Variants in PGM3 observed in about 807,000 individuals in gnomAD.
The protein encoded by PGM3 is phosphoacetylglucosamine mutase.
In PGM3, 40 loss-of-function variants were observed where a neutral mutation model predicts 66.2. That is an observed-to-expected ratio of 0.60 (90% confidence interval 0.47 to 0.79). The LOEUF is 0.79. Among genes scored for constraint, PGM3 ranks in the 30% least tolerant of loss-of-function variants. The pLI is 0.00. For missense variants in PGM3, 537 were observed against 643.4 expected, an observed-to-expected ratio of 0.83 and a Z score of 1.79; for synonymous variants, 191 against 224.2, an observed-to-expected ratio of 0.85 and a Z score of 1.32.
At chr6:83,193,854 G>C (rs1289922573), upstream of PGM3, 1 of 153,524 alleles carries the variant, frequency 6.5e-6, no homozygotes, top group Non-Finnish European at 1.4e-5. Flanking sequence ...GCAGAGGCCA[G>C]TGAATCGTAA....
At chr6:83,153,034 AT>A in the PGM3 span, among the ~76,000 whole-genome samples, 1 of 152,162 alleles carries the variant, frequency 6.6e-6, no homozygotes, top group Non-Finnish European at 1.5e-5. Flanking sequence ...TACACATGTC[AT>A]TTTGTTTCCT....
downstream of PGM3, chr6:83,164,510 G>C (rs1003515342): frequency 1.2e-5 from 9 of 727,592 alleles, no homozygotes; most frequent in African/African-American, 1.6e-4. Flanking sequence ...AAATATGACA[G>C]TCTTTTGCCC....
intron 3 of PGM3, among the ~76,000 whole-genome samples, chr6:83,187,951 C>A (rs1788707047): frequency 6.6e-6 from 1 of 152,156 alleles, no homozygotes; most frequent in Non-Finnish European, 1.5e-5. Context: ...CTGCTACCAT[C>A]GTCGGTATCT....
chr6:83,152,698 A>C, the PGM3 span, among the ~76,000 whole-genome samples: 3 of 149,552 alleles, frequency 2.0e-5, no homozygotes, highest in African/African-American at 4.9e-5. Context: ...GCTCACTGCA[A>C]CCTCTGCCTC....
At chr6:83,180,601 A>G (rs1053999559) in intron 6 of PGM3, among the ~76,000 whole-genome samples, 5 of 152,228 alleles carry the variant, frequency 3.3e-5, no homozygotes, top group South Asian at 2.1e-4. Context: ...GAATGGGATC[A>G]TAAGATTGAT....
chr6:83,161,603 A>G (rs951562860), downstream of PGM3, among the ~76,000 whole-genome samples: 2 of 152,208 alleles, frequency 1.3e-5, no homozygotes, highest in South Asian at 2.1e-4. Flanking sequence ...GTTTCTAAAC[A>G]TAGGAAAAAC....
At chr6:83,187,143 C>A in intron 3 of PGM3, 68 bp from the exon 4 acceptor site, 1 of 973,458 alleles carries the variant, frequency 1.0e-6, no homozygotes, top group Non-Finnish European at 1.6e-6. Flanking sequence ...GTTCTGCAAG[C>A]AAATGCAAAA....
At chr6:83,193,821 A>G (rs1163550220), upstream of PGM3, 1 of 151,460 alleles carries the variant, frequency 6.6e-6, no homozygotes, top group African/African-American at 2.4e-5. Context: ...GACACCCCCT[A>G]CCCTTATCCT....
rs747971135 is a variant in PGM3 at position 83,167,947 on chromosome 6, T to C, written c.*1287A>G. 74 of 1,614,180 alleles carry C rather than the reference T, an allele frequency of 4.6e-5. No homozygotes were observed. Among genetic ancestry groups the C allele is most frequent in the Admixed American group, 4.2e-4 (25 of 60,016 alleles). Reference sequence around the variant, plus strand: ...CTCACCATCTGCACCGTGCGCAGTATGGAGCAGCTCCTGCCGTTCTTCAAT... The same window carrying C: ...CTCACCATCTGCACCGTGCGCAGTACGGAGCAGCTCCTGCCGTTCTTCAAT... On this transcript the variant is annotated 3_prime_UTR_variant, in exon 13 of 13. Coordinates refer to ENST00000513973, the MANE Select transcript of PGM3 (RefSeq NM_015599.3).
Position 83,167,937 on chromosome 6 carries a change from G to T in PGM3, c.*1297C>A. 6.2e-7 allele frequency: 1 copy of T among 1,614,114 alleles called. No homozygotes were observed. The highest frequency in any genetic ancestry group is 1.1e-5 in the South Asian group (1 of 91,078). ...GCACTTGCTGCTCACCATCTGCACC[G>T]TGCGCAGTATGGAGCAGCTCCTGCC... is the stretch of plus-strand genomic sequence containing the variant. On this transcript the variant is annotated 3_prime_UTR_variant, in exon 13 of 13. Transcript: ENST00000513973.
At chr6:83,173,882 G>A (rs1787535483) in intron 10 of PGM3, among the ~76,000 whole-genome samples, 1 of 152,032 alleles carries the variant, frequency 6.6e-6, no homozygotes, top group Non-Finnish European at 1.5e-5. Context: ...GACTACAGGT[G>A]CCCGCCACCA....
In PGM3 at chr6:83,167,049, G is replaced by T. The variant is rs1288438802; in HGVS notation, c.*2185C>A. 1.0e-6 allele frequency: 1 copy of T among 985,126 alleles called. No individual in the cohort carries two copies. The allele number at this position is 985,126 out of a possible 1,614,324, so 61.0% of individuals were successfully genotyped here. ...CTGTAGCTGTGTTTGTGTAATTCAG[G>T]TGGCTTCTCAAACTAGCCTCTTAAT... On this transcript the variant is annotated 3_prime_UTR_variant, in exon 13 of 13. Transcript: ENST00000513973.
chr6:83,183,463 C>G (rs1788342883), intron 4 of PGM3, among the ~76,000 whole-genome samples: 2 of 151,906 alleles, frequency 1.3e-5, no homozygotes, highest in Non-Finnish European at 2.9e-5. Context: ...GTTTTCAGAG[C>G]AAAAAAAGCC....
chr6:83,190,029 A>C lies in PGM3; in HGVS notation c.204+780T>G, dbSNP rs1788927950. ...CAATGGGCATAAACTTGCAGTTATA[A>C]GATGAATAAGTTCTGGAAGACTAAC... On this transcript the variant is annotated intron_variant, in intron 2 of 12. Transcript: ENST00000513973. 2.0e-5 allele frequency among the ~76,000 whole-genome samples: 3 copies of C among 152,250 alleles called. No homozygotes were observed. The South Asian group carries it at 6.2e-4, about 31-fold the overall frequency.
At chr6:83,152,403 A>G in the PGM3 span, 6 of 971,148 alleles carry the variant, frequency 6.2e-6, no homozygotes, top group Non-Finnish European at 8.8e-6. Flanking sequence ...ACTCTCAAGT[A>G]GACTGTTTCA....
At chr6:83,158,677 C>A, downstream of PGM3, 1 of 1,181,126 alleles carries the variant, frequency 8.5e-7, no homozygotes, top group Non-Finnish European at 1.2e-6. Flanking sequence ...TGAAATTATT[C>A]AGAATATTAC....
chr6:83,193,344 C>CCAG (rs1789327798), upstream of PGM3: 2 of 152,158 alleles, frequency 1.3e-5, no homozygotes, highest in Non-Finnish European at 2.9e-5. Context: ...GCCAGCCCCG[C>CCAG]CCCCGCCTCG....
chr6:83,191,385 AC>A (rs1789037657), intron 1 of PGM3: 5 of 681,278 alleles, frequency 7.3e-6, no homozygotes, highest in South Asian at 7.3e-5. Flanking sequence ...ATTTCATTTT[AC>A]AAAAAGGGAA....
At chr6:83,173,528 T>A (rs1219825184) in intron 10 of PGM3, among the ~76,000 whole-genome samples, 1 of 152,168 alleles carries the variant, frequency 6.6e-6, no homozygotes, top group Non-Finnish European at 1.5e-5. Context: ...AATCTCTGTT[T>A]CTTCACTTAT....
Sources: allele counts gnomAD v4.1 joint callset (sites outside exome capture counted in the v4.1 genomes callset), GRCh38; gene constraint gnomAD v4.1.1; transcripts MANE v1.5; gene names NCBI Gene and HGNC (gene_info 2026-07-23, HGNC 2026-07-21).